PDE1A: variants seen among roughly 807,000 people sequenced by gnomAD.
PDE1A encodes dual specificity calcium/calmodulin-dependent 3',5'-cyclic nucleotide phosphodiesterase 1A.
Under a neutral mutation model 61.7 loss-of-function variants are expected in PDE1A, and 35 were observed. The observed-to-expected ratio is 0.57, with a 90% CI of 0.43 to 0.75. PDE1A has a LOEUF of 0.75. Among genes scored for constraint, PDE1A ranks in the 30% least tolerant of loss-of-function variants. The pLI is 0.00. For missense variants in PDE1A, 597 were observed against 630.6 expected, an observed-to-expected ratio of 0.95 and a Z score of 0.57; for synonymous variants, 232 against 213.2, an observed-to-expected ratio of 1.09 and a Z score of -0.77.
At chr2:182,678,054 G>A in the PDE1A span, among the ~76,000 whole-genome samples, 2 of 152,184 alleles carry the variant, frequency 1.3e-5, no homozygotes, top group Non-Finnish European at 2.9e-5. Flanking sequence ...TTAAAGGCAA[G>A]AATGAGAGAA....
the PDE1A span, among the ~76,000 whole-genome samples, chr2:182,565,248 T>C: frequency 9.8e-5 from 15 of 152,318 alleles, no homozygotes; most frequent in Admixed American, 9.2e-4. Flanking sequence ...ATGTCCTTTC[T>C]GTTTGTTAGT....
intron 1 of PDE1A, among the ~76,000 whole-genome samples, chr2:182,398,381 T>A (rs1243052977): frequency 6.6e-6 from 1 of 152,026 alleles, no homozygotes; most frequent in African/African-American, 2.4e-5. Context: ...TTGTCATAGA[T>A]GTGAATATAG....
At chr2:182,612,976 T>C in the PDE1A span, among the ~76,000 whole-genome samples, 10 of 152,356 alleles carry the variant, frequency 6.6e-5, no homozygotes, top group Non-Finnish European at 1.5e-4. Context: ...TGAGTTCTTT[T>C]ACTCACACTG....
At chr2:182,147,861 C>A (rs1054499096) in intron 13 of PDE1A, among the ~76,000 whole-genome samples, 1 of 152,152 alleles carries the variant, frequency 6.6e-6, no homozygotes, top group African/African-American at 2.4e-5. Flanking sequence ...AAGTTTCTTT[C>A]TGTCTGAAGT....
chr2:182,645,203 A>G, the PDE1A span, among the ~76,000 whole-genome samples: 25 of 152,064 alleles, frequency 1.6e-4, no homozygotes, highest in South Asian at 6.2e-4. Context: ...AGCCAGGATG[A>G]TCTCTATCTC....
intron 1 of PDE1A, among the ~76,000 whole-genome samples, chr2:182,273,892 G>A (rs1693216939): frequency 6.6e-6 from 1 of 151,996 alleles, no homozygotes; most frequent in African/African-American, 2.4e-5. Flanking sequence ...GGTTAAAAGT[G>A]GTATATTAGA....
chr2:182,529,288 GATC>G, the PDE1A span, among the ~76,000 whole-genome samples: 1 of 152,308 alleles, frequency 6.6e-6, no homozygotes, highest in African/African-American at 2.4e-5. Flanking sequence ...AGTCAAAGGA[GATC>G]ATTTTGGAGC....
the PDE1A span, among the ~76,000 whole-genome samples, chr2:182,576,377 T>C: frequency 0.011 from 1,702 of 152,310 alleles, 10 homozygotes; most frequent in Middle Eastern, 0.02. Context: ...TCATCCTTGT[T>C]GTAGAATATG....
intron 1 of PDE1A, among the ~76,000 whole-genome samples, chr2:182,360,245 G>A (rs181637196): frequency 5.6e-4 from 85 of 152,146 alleles, no homozygotes; most frequent in Non-Finnish European, 1.0e-3. Flanking sequence ...ATCTGATGTG[G>A]AAGAACTGTT....
the PDE1A span, among the ~76,000 whole-genome samples, chr2:182,626,727 A>G: frequency 0.021 from 265 of 12,404 alleles, 29 homozygotes; most frequent in African/African-American, 0.03. Flanking sequence ...TTATATATAT[A>G]TATATATATA....
chr2:182,365,694 A>G (rs781342408), intron 1 of PDE1A, among the ~76,000 whole-genome samples: 4 of 151,804 alleles, frequency 2.6e-5, no homozygotes, highest in Non-Finnish European at 4.4e-5. Flanking sequence ...TATTGTTTAG[A>G]CTTGATTTTG....
the PDE1A span, among the ~76,000 whole-genome samples, chr2:182,697,921 C>A: frequency 0.7 from 106,137 of 152,130 alleles, 37,436 homozygotes; most frequent in African/African-American, 0.8. Flanking sequence ...CCCACTATGT[C>A]ATTCCAATAA....
intron 2 of PDE1A, chr2:182,522,163 G>T: frequency 2.5e-6 from 2 of 815,418 alleles, no homozygotes; most frequent in African/African-American, 1.7e-5. Context: ...TTTATTTTTC[G>T]AGAGAAAATC....
In PDE1A at chr2:182,368,689, A is replaced by G. The variant is rs1354379667; in HGVS notation, c.53+57889T>C. 2.0e-5 allele frequency among the ~76,000 whole-genome samples: 3 copies of G among 152,174 alleles called. No individual in the cohort carries two copies. The East Asian group carries it at 5.8e-4, about 29-fold the overall frequency. ...AAAAGGCAGAGCAAGAAGTTTGCAGACTGGAAACTTGGGATGGGAGCCCAT... is the reference window on the plus strand; with the variant it reads ...AAAAGGCAGAGCAAGAAGTTTGCAGGCTGGAAACTTGGGATGGGAGCCCAT... On this transcript the variant is annotated intron_variant, in intron 1 of 13. Coordinates refer to ENST00000351439, the Ensembl canonical transcript of PDE1A.
At chr2:182,552,289 T>A in the PDE1A span, among the ~76,000 whole-genome samples, 1 of 152,086 alleles carries the variant, frequency 6.6e-6, no homozygotes, top group Admixed American at 6.6e-5. Context: ...GAAAGCATGT[T>A]AGCATAAGCA....
At chr2:182,246,252 T>G (rs1317604212) in intron 2 of PDE1A, among the ~76,000 whole-genome samples, 1 of 152,188 alleles carries the variant, frequency 6.6e-6, no homozygotes, top group African/African-American at 2.4e-5. Context: ...TGCTATTCAC[T>G]CTACTTAGAA....
chr2:182,462,272 T>C (rs1686349898), intron 2 of PDE1A, among the ~76,000 whole-genome samples: 1 of 151,958 alleles, frequency 6.6e-6, no homozygotes, highest in South Asian at 2.1e-4. Context: ...ACCTGCACGT[T>C]GTGCACATGC....
the PDE1A span, among the ~76,000 whole-genome samples, chr2:182,578,808 G>A: frequency 2.2e-4 from 34 of 152,128 alleles, no homozygotes; most frequent in Non-Finnish European, 4.3e-4. Flanking sequence ...TGCTAACATG[G>A]GTTACTTTAG....
chr2:182,391,837 G>C (rs904895478), intron 1 of PDE1A, among the ~76,000 whole-genome samples: 2 of 152,196 alleles, frequency 1.3e-5, no homozygotes, highest in Non-Finnish European at 2.9e-5. Context: ...AAGTGAAATT[G>C]ATCGGAGGCC....
Sources: allele counts gnomAD v4.1 joint callset (sites outside exome capture counted in the v4.1 genomes callset), GRCh38; gene constraint gnomAD v4.1.1; transcripts MANE v1.5; gene names NCBI Gene and HGNC (gene_info 2026-07-23, HGNC 2026-07-21).